The following PDAP1 variants were observed in gnomAD, a reference collection of about 807,000 sequenced individuals.
PDAP1 encodes PDGFA associated protein 1, also known as 28 kDa heat- and acid-stable phosphoprotein.
PDAP1 carries 13 observed loss-of-function variants against 28.0 expected under a neutral mutation model. The observed-to-expected ratio is 0.46, with a 90% CI of 0.30 to 0.74. The LOEUF is 0.74. Among genes scored for constraint, PDAP1 ranks in the 30% least tolerant of loss-of-function variants. The pLI, the probability that PDAP1 is intolerant of heterozygous loss-of-function variation, is 0.07. For missense variants in PDAP1, 150 were observed against 230.0 expected (o/e 0.65, Z 2.25); for synonymous variants, 77 against 85.1 (o/e 0.91, Z 0.52).
rs755849675 is a variant in PDAP1 at position 99,400,287 on chromosome 7, C to G, written c.335+16G>C. The G allele has an allele frequency of 2.5e-6, 4 of 1,612,774 alleles. No homozygotes were observed. The African/African-American group carries it at 5.3e-5, about 22-fold the overall frequency. On this transcript the variant is annotated intron_variant, in intron 4 of 5. Coordinates refer to ENST00000350498, the MANE Select transcript of PDAP1 (RefSeq NM_014891.7). ...CCTGTATTCCCCGTGACACAAGGCC[C>G]AGCCAGTGATGTTACCGTTCTCTCC...
At position 99,396,726 on chromosome 7, in the gene PDAP1, T is replaced by C. The variant is rs376522122; in HGVS notation, c.502A>G (p.Thr168Ala). 7.4e-6 allele frequency: 12 copies of C among 1,611,994 alleles called. No homozygotes were observed. In the African/African-American group the frequency reaches 1.2e-4, roughly 16 times the overall value. Residue 168 changes from threonine to alanine, a missense_variant, in exon 6 of 6, where the codon ACA (threonine) becomes GCA (alanine). Thr to Ala is a moderately conservative substitution (Grantham distance 58, BLOSUM62 0). Coordinates refer to ENST00000350498, the MANE Select transcript of PDAP1 (RefSeq NM_014891.7). ...EEERKAKDDATLSGKRMQSLS... is the reference protein window; with the variant it reads ...EEERKAKDDAALSGKRMQSLS... ...GACTGCATTCGTTTTCCTGACAATG[T>C]GGCATCGTCTTTTGCTGAGGGGTGG...
At chr7:99,402,878 C>CAAAAAAAAAAA (rs543294031) in intron 3 of PDAP1, among the ~76,000 whole-genome samples, 9 of 72,060 alleles carry the variant, frequency 1.2e-4, no homozygotes, top group African/African-American at 4.1e-4. Flanking sequence ...CACTTCATCT[C>CAAAAAAAAAAA]AAAAAAAAAA....
Position 99,396,722 on chromosome 7 carries a change from A to G in PDAP1, c.506T>C (p.Leu169Ser). Residue 169 changes from leucine (L) to serine (S), a missense_variant, in exon 6 of 6, where the codon TTG (leucine) becomes TCG (serine). Leu to Ser is a moderately radical substitution (Grantham distance 145, BLOSUM62 -2). Coordinates refer to ENST00000350498, the MANE Select transcript of PDAP1 (RefSeq NM_014891.7). ...EERKAKDDAT[L>S]SGKRMQSLSL... is the part of the protein sequence containing the mutation. Reference sequence around the variant, plus strand: ...GAGTGACTGCATTCGTTTTCCTGACAATGTGGCATCGTCTTTTGCTGAGGG... The same window carrying G: ...GAGTGACTGCATTCGTTTTCCTGACGATGTGGCATCGTCTTTTGCTGAGGG... 1.2e-6 allele frequency: 2 copies of G among 1,612,120 alleles called. No homozygotes were observed. The highest frequency in any genetic ancestry group is 1.1e-5 in the South Asian group (1 of 90,996).
At chr7:99,406,591 G>T (rs1264221066) in intron 1 of PDAP1, 1 of 985,268 alleles carries the variant, frequency 1.0e-6, no homozygotes, top group Non-Finnish European at 1.2e-6. Flanking sequence ...ACACCAGGCT[G>T]ACCCTTGCTT....
At chr7:99,402,907 G>C (rs1053551371) in intron 3 of PDAP1, among the ~76,000 whole-genome samples, 1 of 140,468 alleles carries the variant, frequency 7.1e-6, no homozygotes, top group African/African-American at 2.8e-5. Flanking sequence ...GAAAAGAAAA[G>C]AAAAGAAATG....
In PDAP1 at chr7:99,396,391, C is replaced by T; in HGVS notation, c.*291G>A. The T allele has an allele frequency of 2.1e-6, 1 of 475,162 alleles. No homozygotes were observed. Among genetic ancestry groups the T allele is most frequent in the East Asian group, 4.1e-5 (1 of 24,176 alleles). 29.4% of individuals were successfully genotyped at this position (475,162 alleles called of 1,614,324 possible). A position where few individuals can be genotyped will look rare whatever the true frequency, so the allele number is the denominator to read the frequency against. On this transcript the variant is annotated 3_prime_UTR_variant, in exon 6 of 6. Transcript: ENST00000350498. ...CTCTTCTTACCCCATCTCCCAGGCA[C>T]CCCCCAGCAAGGGCTCTGAATTCTA...
rs751801927 is a variant in PDAP1, at chr7:99,396,637, G to A, written c.*45C>T. On this transcript the variant is annotated 3_prime_UTR_variant, in exon 6 of 6. Transcript: ENST00000350498. ...GTGGGCGAGACACAGCAGAGGTCCT[G>A]GCAGCGCGGCCCAGGTCCCCGGCAT... 6 of 1,530,692 alleles carry A rather than the reference G, an allele frequency of 3.9e-6. No individual in the cohort carries two copies. The highest frequency in any genetic ancestry group is 2.2e-5 in the South Asian group (2 of 89,358). 94.8% of individuals were successfully genotyped at this position (1,530,692 alleles called of 1,614,324 possible).
At chr7:99,398,108 G>C (rs946298609) in intron 4 of PDAP1, 95 bp from the exon 5 acceptor site, 12 of 1,434,180 alleles carry the variant, frequency 8.4e-6, no homozygotes, top group Non-Finnish European at 1.2e-5. Context: ...TTCGGCCTAG[G>C]GCCGAGGTGG....
At chr7:99,401,392 A>T (rs368924504) in intron 3 of PDAP1, among the ~76,000 whole-genome samples, 1 of 152,082 alleles carries the variant, frequency 6.6e-6, no homozygotes, top group Non-Finnish European at 1.5e-5. Context: ...GCAATGGCAC[A>T]ATCTCGGCTC....
At chr7:99,404,365 A>C (rs957829568) in intron 2 of PDAP1, among the ~76,000 whole-genome samples, 1 of 152,056 alleles carries the variant, frequency 6.6e-6, no homozygotes, top group Non-Finnish European at 1.5e-5. Context: ...GAGGAGAGGG[A>C]ACTACTAAAT....
chr7:99,397,775 C>T (rs1380931823), intron 5 of PDAP1, 87 bp downstream of exon 5: 20 of 1,515,616 alleles, frequency 1.3e-5, no homozygotes, highest in Non-Finnish European at 2.7e-6. Flanking sequence ...ATTGTCACCT[C>T]GCGGACAGGG....
At chr7:99,405,279 A>G (rs758446725) in intron 1 of PDAP1, among the ~76,000 whole-genome samples, 24 of 152,028 alleles carry the variant, frequency 1.6e-4, no homozygotes, top group Non-Finnish European at 2.8e-4. Flanking sequence ...CTCAGATGCA[A>G]CCACAGAAAC....
At chr7:99,401,377 G>A (rs1202968759) in intron 3 of PDAP1, among the ~76,000 whole-genome samples, 1 of 152,158 alleles carries the variant, frequency 6.6e-6, no homozygotes, top group East Asian at 1.9e-4. Flanking sequence ...TGCCCAGGCT[G>A]GAGGGCAATG....
Position 99,396,605 on chromosome 7 carries a change from G to A in PDAP1, c.*77C>T, listed in dbSNP as rs1304161756. The A allele has an allele frequency of 2.4e-6, 3 of 1,256,940 alleles. No individual in the cohort carries two copies. In the African/African-American group the frequency reaches 4.5e-5, roughly 19 times the overall value. The allele number at this position is 1,256,940 out of a possible 1,614,324, so 77.9% of individuals were successfully genotyped here. On this transcript the variant is annotated 3_prime_UTR_variant, in exon 6 of 6. Coordinates refer to ENST00000350498, the MANE Select transcript of PDAP1 (RefSeq NM_014891.7). ...GAGGGGCTGTTGCAGCGGCGCCAGG[G>A]CACAGGGTGGGCGAGACACAGCAGA... is the stretch of plus-strand genomic sequence containing the variant.
chr7:99,400,461 G>T (rs1394691943), intron 3 of PDAP1, 37 bp from the exon 4 acceptor site: 6 of 1,612,910 alleles, frequency 3.7e-6, no homozygotes, highest in Non-Finnish European at 5.1e-6. Context: ...TGGAGTTCAG[G>T]TCCTGTGGAG....
At position 99,408,553 on chromosome 7, in the gene PDAP1, G is replaced by T; in HGVS notation, c.-5C>A. ...CCCCTCACCTCCTTTAGGCATTGCG[G>T]CTCCGGCGGCTGCGGCGGCGGCGGC... On this transcript the variant is annotated 5_prime_UTR_variant, in exon 1 of 6. Transcript: ENST00000350498. The T allele has an allele frequency of 7.8e-7, 1 of 1,277,334 alleles. No homozygotes were observed. The allele number at this position is 1,277,334 out of a possible 1,614,324, so 79.1% of individuals were successfully genotyped here.
intron 1 of PDAP1, among the ~76,000 whole-genome samples, chr7:99,407,692 G>A (rs1221303832): frequency 6.6e-6 from 1 of 152,196 alleles, no homozygotes; most frequent in Non-Finnish European, 1.5e-5. Flanking sequence ...ATGAGGAAGA[G>A]GTTAACTTGT....
At chr7:99,405,742 T>C (rs1794960139) in intron 1 of PDAP1, among the ~76,000 whole-genome samples, 1 of 152,072 alleles carries the variant, frequency 6.6e-6, no homozygotes, top group Non-Finnish European at 1.5e-5. Context: ...CCAGGAGACT[T>C]AGACCAAAGC....
chr7:99,400,446 G>C, intron 3 of PDAP1, 22 bp from the exon 4 acceptor site: 1 of 1,613,822 alleles, frequency 6.2e-7, no homozygotes, highest in Non-Finnish European at 8.5e-7. Flanking sequence ...CAAGAAGCTG[G>C]TTGTTGGAGT....
Sources: allele counts gnomAD v4.1 joint callset (sites outside exome capture counted in the v4.1 genomes callset), GRCh38; gene constraint gnomAD v4.1.1; transcripts MANE v1.5; gene names NCBI Gene and HGNC (gene_info 2026-07-23, HGNC 2026-07-21).